ALX1: variants seen among roughly 807,000 people sequenced by gnomAD.
ALX1 encodes the protein ALX homeobox 1, also known as ALX homeobox protein 1.
ALX1 carries 19 observed loss-of-function variants against 31.7 expected under a neutral mutation model. That is an observed-to-expected ratio of 0.60 (90% CI 0.42 to 0.88). ALX1 has a LOEUF of 0.88. Among genes scored for constraint, ALX1 ranks in the 40% least tolerant of loss-of-function variants. The pLI is 0.00. For synonymous variants in ALX1, 153 were observed against 148.8 expected, an observed-to-expected ratio of 1.03 and a Z score of -0.20; for missense variants, 415 against 407.8, an observed-to-expected ratio of 1.02 and a Z score of -0.15.
intron 1 of ALX1, among the ~76,000 whole-genome samples, chr12:85,281,413 A>G (rs754097866): frequency 5.3e-5 from 8 of 152,190 alleles, no homozygotes; most frequent in Non-Finnish European, 7.3e-5. Flanking sequence ...TCTCCTTATC[A>G]TTGTATATAT....
intron 3 of ALX1, among the ~76,000 whole-genome samples, chr12:85,299,722 T>C (rs1037886926): frequency 1.3e-5 from 2 of 151,988 alleles, no homozygotes; most frequent in Admixed American, 1.3e-4. Context: ...TTTTTACCAG[T>C]GTGATCTAGA....
At position 85,301,251 on chromosome 12, in the gene ALX1, T is replaced by C. The variant is rs1255505998; in HGVS notation, c.757T>C (p.Ser253Pro). The C allele has an allele frequency of 1.2e-6, 2 of 1,613,938 alleles. No homozygotes were observed. Among genetic ancestry groups the C allele is most frequent in the Admixed American group, 1.7e-5 (1 of 59,966 alleles). ...RDTSSCMTPYSHSPRTDSSYT... is the reference protein window; with the variant it reads ...RDTSSCMTPYPHSPRTDSSYT... Reference sequence around the variant, plus strand: ...CACTTCCTCCTGTATGACACCTTATTCTCACTCGCCTCGGACAGATTCCAG... The same window carrying C: ...CACTTCCTCCTGTATGACACCTTATCCTCACTCGCCTCGGACAGATTCCAG... The change falls in exon 4 of 4, where the codon TCT (serine) becomes CCT (proline). Residue 253 changes from serine to proline, a missense_variant. By Grantham distance (74) the Ser-to-Pro change is moderately conservative (BLOSUM62 -1). Coordinates refer to ENST00000316824, the MANE Select transcript of ALX1 (RefSeq NM_006982.3).
intron 3 of ALX1, among the ~76,000 whole-genome samples, chr12:85,288,890 A>G (rs1896782605): frequency 6.6e-6 from 1 of 151,556 alleles, no homozygotes; most frequent in Non-Finnish European, 1.5e-5. Context: ...AGGAGCCACA[A>G]CCAGAGAAAT....
intron 2 of ALX1, among the ~76,000 whole-genome samples, chr12:85,286,428 G>A (rs1230131649): frequency 6.6e-6 from 1 of 151,920 alleles, no homozygotes; most frequent in African/African-American, 2.4e-5. Context: ...AATAGACTCA[G>A]ATATTAATTT....
intron 2 of ALX1, among the ~76,000 whole-genome samples, chr12:85,286,636 CTCTT>C: frequency 6.6e-6 from 1 of 151,990 alleles, no homozygotes; most frequent in African/African-American, 2.4e-5. Flanking sequence ...AGTCTCCTGC[CTCTT>C]TCTATTAAAT....
chr12:85,292,658 TA>T (rs1421940531), intron 3 of ALX1, among the ~76,000 whole-genome samples: 1 of 151,080 alleles, frequency 6.6e-6, no homozygotes, highest in Admixed American at 6.6e-5. Context: ...ATTATACAAT[TA>T]AAAAATGAAA....
At chr12:85,281,019 G>A (rs759332614) in intron 1 of ALX1, among the ~76,000 whole-genome samples, 1 of 152,138 alleles carries the variant, frequency 6.6e-6, no homozygotes, top group Non-Finnish European at 1.5e-5. Context: ...CCAAGACGTG[G>A]CGATATATTT....
intron 3 of ALX1, among the ~76,000 whole-genome samples, chr12:85,295,650 A>G (rs1321326916): frequency 6.6e-6 from 1 of 151,520 alleles, no homozygotes; most frequent in African/African-American, 2.4e-5. Flanking sequence ...CTTTTAAAGT[A>G]TCCTTTAATT....
intron 1 of ALX1, among the ~76,000 whole-genome samples, chr12:85,282,683 T>C (rs1209680443): frequency 1.3e-5 from 2 of 152,190 alleles, no homozygotes; most frequent in Non-Finnish European, 2.9e-5. Flanking sequence ...TTGTTTTATA[T>C]CACACTGCAA....
chr12:85,294,567 A>G (rs17012672), intron 3 of ALX1, among the ~76,000 whole-genome samples: 25,572 of 151,078 alleles, frequency 0.17, 4,700 homozygotes, highest in African/African-American at 0.46. Context: ...ATGTTCTTAT[A>G]TCTTGGACTT....
Position 85,294,914 on chromosome 12 carries a change from T to A in ALX1, c.661-6241T>A, listed in dbSNP as rs184926003. On this transcript the variant is annotated intron_variant, in intron 3 of 3. Transcript: ENST00000316824. ...CTGTTTCTGATGAATAAATGATTTC[T>A]AATCACTTTAGTTTAATAATATATA... Among the ~76,000 whole-genome samples the A allele has an allele frequency of 1.9e-4, 29 of 151,462 alleles. No homozygotes were observed. The Admixed American group carries it at 1.9e-3, about 10-fold the overall frequency.
chr12:85,298,254 T>A (rs1374553147), intron 3 of ALX1, among the ~76,000 whole-genome samples: 1 of 151,784 alleles, frequency 6.6e-6, no homozygotes, highest in Non-Finnish European at 1.5e-5. Context: ...AGCTCTGTTC[T>A]ATAGTGTTAC....
chr12:85,283,509 T>C (rs1440923379), intron 1 of ALX1, 63 bp from the exon 2 acceptor site: 3 of 1,537,182 alleles, frequency 2.0e-6, no homozygotes, highest in Non-Finnish European at 2.7e-6. Flanking sequence ...CTTCTACTTA[T>C]TGATTTAATT....
intron 2 of ALX1, among the ~76,000 whole-genome samples, chr12:85,286,482 C>T (rs1896748414): frequency 6.6e-6 from 1 of 151,912 alleles, no homozygotes; most frequent in Admixed American, 6.6e-5. Context: ...ATACATCTTC[C>T]AGACTTGCAG....
At position 85,286,909 on chromosome 12, in the gene ALX1, A is replaced by C. The variant is rs758426051; in HGVS notation, c.588A>C (p.Ile196=). The stretch of plus-strand genomic sequence containing the variant: ...GAAAAAGGGAACGTTATGGCCAAAT[A>C]CAACAAGCGAAAAGCCATTTTGCTG... ...KWRKRERYGQ[I]QQAKSHFAAT... The change falls in exon 3 of 4, where the codon ATA becomes ATC. Residue 196 remains isoleucine (I), a synonymous_variant. Coordinates refer to ENST00000316824, the MANE Select transcript of ALX1 (RefSeq NM_006982.3). 6.2e-7 allele frequency: 1 copy of C among 1,612,110 alleles called. No individual in the cohort carries two copies. Among genetic ancestry groups the C allele is most frequent in the East Asian group, 2.2e-5 (1 of 44,796 alleles).
rs575208938 is a variant in ALX1, at chr12:85,290,617, T to A, written c.660+3636T>A. Among the ~76,000 whole-genome samples the A allele has an allele frequency of 2.6e-5, 4 of 151,452 alleles. 1 individual carries two copies. Among genetic ancestry groups the A allele is most frequent in the African/African-American group, 7.2e-5 (3 of 41,504 alleles). Reference sequence around the variant, plus strand: ...TATTTTAAGGTAGTATATTTTGATGTACTGACAACAGTATCTTTTTGTTTA... The same window carrying A: ...TATTTTAAGGTAGTATATTTTGATGAACTGACAACAGTATCTTTTTGTTTA... On this transcript the variant is annotated intron_variant, in intron 3 of 3. Coordinates refer to ENST00000316824, the MANE Select transcript of ALX1 (RefSeq NM_006982.3).
intron 3 of ALX1, among the ~76,000 whole-genome samples, chr12:85,296,072 A>G (rs1896884104): frequency 6.6e-6 from 1 of 151,572 alleles, no homozygotes; most frequent in Non-Finnish European, 1.5e-5. Flanking sequence ...ATTCTTTTAA[A>G]AGGCTTTTTT....
intron 3 of ALX1, among the ~76,000 whole-genome samples, chr12:85,295,393 T>TA (rs1277821269): frequency 4.0e-5 from 6 of 151,592 alleles, no homozygotes; most frequent in African/African-American, 1.5e-4. Flanking sequence ...AAAAGTCTCT[T>TA]AAAAAATTTA....
chr12:85,287,837 T>C (rs1896769841), intron 3 of ALX1, among the ~76,000 whole-genome samples: 1 of 151,582 alleles, frequency 6.6e-6, no homozygotes, highest in African/African-American at 2.4e-5. Context: ...TGTTATTTAT[T>C]ATTTAATGAT....
Sources: allele counts gnomAD v4.1 joint callset (sites outside exome capture counted in the v4.1 genomes callset), GRCh38; gene constraint gnomAD v4.1.1; transcripts MANE v1.5; gene names NCBI Gene and HGNC (gene_info 2026-07-23, HGNC 2026-07-21).